The following EVL variants were observed in gnomAD, a reference collection of about 807,000 sequenced individuals.
EVL encodes the protein Enah/Vasp-like, also known as ena/VASP-like protein.
In EVL, 21 loss-of-function variants were observed where a neutral mutation model predicts 59.6. The ratio of observed to expected loss-of-function variants is 0.35; its 90% CI spans 0.25 to 0.51. EVL has a LOEUF of 0.51. Among genes scored for constraint, EVL ranks in the 20% least tolerant of loss-of-function variants. EVL has a pLI of 0.97. For missense variants in EVL, 462 were observed against 546.6 expected (o/e 0.85, Z 1.54); for synonymous variants, 198 against 203.5 (o/e 0.97, Z 0.23).
chr14:100,100,879 T>C (rs778785577), intron 3 of EVL, among the ~76,000 whole-genome samples: 14 of 151,604 alleles, frequency 9.2e-5, no homozygotes, highest in Admixed American at 3.9e-4. Context: ...AGATGTGCCA[T>C]AATGTAAGCA....
chr14:100,135,658 A>G, intron 8 of EVL: 1 of 455,942 alleles, frequency 2.2e-6, no homozygotes, highest in Non-Finnish European at 4.0e-6. Context: ...GAAGTTCTAT[A>G]TCACCCTGCT....
intron 3 of EVL, among the ~76,000 whole-genome samples, chr14:100,101,579 G>A (rs1357392779): frequency 1.3e-5 from 2 of 152,124 alleles, no homozygotes; most frequent in African/African-American, 4.8e-5. Flanking sequence ...GGAGGCAGAG[G>A]TTGCAGTAAG....
intron 1 of EVL, among the ~76,000 whole-genome samples, chr14:100,035,820 A>G (rs2140225251): frequency 6.6e-6 from 1 of 152,244 alleles, no homozygotes; most frequent in South Asian, 2.1e-4. Context: ...TTCAACAGTA[A>G]TCTGACCTAA....
chr14:99,980,239 C>T (rs2060797732), intron 1 of EVL, among the ~76,000 whole-genome samples: 10 of 152,114 alleles, frequency 6.6e-5, no homozygotes, highest in Admixed American at 6.5e-4. Context: ...TTATATTTTT[C>T]TCAAAATTGC....
chr14:99,994,112 CTTTTTTTTTTTTT>C (rs751533422), intron 1 of EVL, among the ~76,000 whole-genome samples: 3 of 55,154 alleles, frequency 5.4e-5, no homozygotes, highest in African/African-American at 8.9e-5. Context: ...AGCCTTTTGG[CTTTTTTTTTTTTT>C]TTTTTTTTTT....
intron 2 of EVL, among the ~76,000 whole-genome samples, chr14:100,096,680 T>G (rs1050007673): frequency 6.6e-6 from 1 of 152,160 alleles, no homozygotes; most frequent in African/African-American, 2.4e-5. Flanking sequence ...AGGAATATAG[T>G]CTTAAAGTAC....
chr14:100,013,732 G>A (rs74365864), intron 1 of EVL, among the ~76,000 whole-genome samples: 4,056 of 152,310 alleles, frequency 0.027, 80 homozygotes, highest in Non-Finnish European at 0.041. Flanking sequence ...GTTAGGGTGC[G>A]GAGTCAGTGC....
intron 2 of EVL, among the ~76,000 whole-genome samples, chr14:100,087,713 G>C: frequency 6.6e-6 from 1 of 152,208 alleles, no homozygotes; most frequent in East Asian, 1.9e-4. Flanking sequence ...TAAATTAATA[G>C]AGGTGGAGCA....
intron 1 of EVL, among the ~76,000 whole-genome samples, chr14:100,081,899 A>T (rs1204340031): frequency 1.1e-4 from 17 of 152,214 alleles, no homozygotes; most frequent in Admixed American, 1.0e-3. Flanking sequence ...TGGGAGTTCA[A>T]GACCAGCCTG....
At chr14:100,030,441 A>C in intron 1 of EVL, among the ~76,000 whole-genome samples, 1 of 152,278 alleles carries the variant, frequency 6.6e-6, no homozygotes, top group East Asian at 1.9e-4. Flanking sequence ...TCAATAAATT[A>C]ATTCTTTTAA....
Position 100,109,866 on chromosome 14 carries a change from C to A in EVL, c.358+12208C>A. 2.6e-6 allele frequency: 1 copy of A among 387,762 alleles called. No individual in the cohort carries two copies. 24.0% of individuals were successfully genotyped at this position (387,762 alleles called of 1,614,324 possible). A position where few individuals can be genotyped will look rare whatever the true frequency, so the allele number is the denominator to read the frequency against. The stretch of plus-strand genomic sequence containing the variant: ...GTGGAAGGAACTTCGGACGTGAACT[C>A]GGATCTGGTTCCAGTACCAGCTGTG... On this transcript the variant is annotated intron_variant, in intron 3 of 13. Transcript: ENST00000392920. The surrounding 1 kb of genome is among the most constrained non-coding windows in gnomAD (Gnocchi z 4.3).
upstream of EVL, among the ~76,000 whole-genome samples, chr14:100,062,218 A>G (rs562096666): frequency 5.5e-5 from 1 of 18,152 alleles, no homozygotes; most frequent in Non-Finnish European, 1.3e-4. Context: ...ATATATATAT[A>G]TATGTATATA....
intron 1 of EVL, among the ~76,000 whole-genome samples, chr14:100,076,282 G>T (rs1265212708): frequency 2.0e-5 from 3 of 152,228 alleles, no homozygotes; most frequent in Admixed American, 1.3e-4. Context: ...TGGGCCGTTT[G>T]TGGGCAGCCT....
At chr14:100,000,005 G>A (rs899101422) in intron 1 of EVL, among the ~76,000 whole-genome samples, 2 of 152,166 alleles carry the variant, frequency 1.3e-5, no homozygotes, top group Non-Finnish European at 2.9e-5. Flanking sequence ...GGCATTTTTG[G>A]TTATTTCACC....
At chr14:100,036,019 G>A (rs878976516) in intron 1 of EVL, among the ~76,000 whole-genome samples, 13 of 152,110 alleles carry the variant, frequency 8.5e-5, no homozygotes, top group African/African-American at 2.4e-4. Flanking sequence ...GTACCAGTTC[G>A]TGGCCTGTTA....
chr14:100,073,336 T>TGGG (rs1175877749), intron 1 of EVL, among the ~76,000 whole-genome samples: 13 of 149,694 alleles, frequency 8.7e-5, no homozygotes, highest in African/African-American at 3.2e-4. Flanking sequence ...TTTTTTTTTT[T>TGGG]GGGGAGACAG....
chr14:100,138,107 G>C, intron 11 of EVL: 1 of 503,110 alleles, frequency 2.0e-6, no homozygotes, highest in Admixed American at 3.6e-5. Context: ...GCAAGTTAGG[G>C]GACCTCTCCA....
chr14:100,004,055 T>C (rs1024614935), intron 1 of EVL, among the ~76,000 whole-genome samples: 1 of 152,132 alleles, frequency 6.6e-6, no homozygotes, highest in Non-Finnish European at 1.5e-5. Context: ...AATACAAAAA[T>C]TAGCTGCATG....
intron 1 of EVL, among the ~76,000 whole-genome samples, chr14:99,992,774 C>G (rs1008727293): frequency 3.9e-5 from 6 of 152,152 alleles, no homozygotes; most frequent in African/African-American, 1.4e-4. Flanking sequence ...TTCTTCTGAT[C>G]TTAGGGGAAA....
Sources: gnomAD v4.1 joint callset for allele counts (sites outside exome capture counted in the v4.1 genomes callset) on GRCh38, gnomAD v4.1.1 for gene constraint, Gnocchi (gnomAD v3.1) non-coding constraint, MANE v1.5 for transcripts, NCBI Gene and HGNC (gene_info 2026-07-23, HGNC 2026-07-21) for gene names.